Variants in SAMD9 observed in about 807,000 individuals in gnomAD.
SAMD9 encodes sterile alpha motif domain-containing protein 9.
Under a neutral mutation model 1.5 loss-of-function variants are expected in SAMD9, and 3 were observed. The ratio of observed to expected loss-of-function variants is 2.05; its 90% confidence interval spans 0.93 to 5.29. The LOEUF (loss-of-function observed/expected upper bound fraction) is 5.29. Among genes scored for constraint, SAMD9 ranks in the 30% most tolerant of loss-of-function variants. SAMD9 has a pLI of 0.02. For synonymous variants in SAMD9, 635 were observed against 631.9 expected, an observed-to-expected ratio of 1.00 and a Z score of -0.07; for missense variants, 1,597 against 1,820.8, an observed-to-expected ratio of 0.88 and a Z score of 2.24.
At chr7:93,117,815 G>A (rs1791855576) in intron 1 of SAMD9, 48 bp downstream of exon 1, 1 of 152,126 alleles carries the variant, frequency 6.6e-6, no homozygotes, top group Admixed American at 6.5e-5. Context: ...TCAATAAAAT[G>A]CTGCTATAGA....
chr7:93,106,318 C>T (rs1004832374), intron 2 of SAMD9, among the ~76,000 whole-genome samples: 1 of 152,166 alleles, frequency 6.6e-6, no homozygotes, highest in Admixed American at 6.5e-5. Context: ...ACACTTTTCC[C>T]ACATAAATTG....
chr7:93,101,641 C>T lies in SAMD9; in HGVS notation c.4457G>A (p.Gly1486Asp). 1.9e-6 allele frequency: 3 copies of T among 1,613,798 alleles called. No homozygotes were observed. Among genetic ancestry groups the T allele is most frequent in the Non-Finnish European group, 2.5e-6 (3 of 1,179,780 alleles). ...QPIAYFFLGK[G>D]KRLERLVHKG... ...GTGAACAAGTCTTTCCAGTCTTTTA[C>T]CTTTTCCAAGAAAGAAATATGCAAT... Residue 1486 changes from glycine (G) to aspartate (D), a missense_variant, in exon 3 of 3, where the codon GGT becomes GAT. Gly to Asp is a moderately conservative substitution (Grantham distance 94, BLOSUM62 -1). Coordinates refer to ENST00000379958, the MANE Select transcript of SAMD9 (RefSeq NM_017654.4).
chr7:93,116,857 G>C (rs903852033), intron 1 of SAMD9, among the ~76,000 whole-genome samples: 2 of 152,178 alleles, frequency 1.3e-5, no homozygotes, highest in African/African-American at 4.8e-5. Flanking sequence ...AACACTATTT[G>C]TTACTGATTG....
chr7:93,110,310 C>A (rs1584257950), intron 2 of SAMD9, among the ~76,000 whole-genome samples: 1 of 152,136 alleles, frequency 6.6e-6, no homozygotes, highest in Admixed American at 6.5e-5. Flanking sequence ...GAAGGAAGCA[C>A]TAAACATGGA....
chr7:93,116,342 A>G (rs1463019650), intron 1 of SAMD9, among the ~76,000 whole-genome samples: 2 of 152,212 alleles, frequency 1.3e-5, no homozygotes, highest in African/African-American at 4.8e-5. Context: ...GGGATGGAGA[A>G]CTGGGCCTGA....
At position 93,102,449 on chromosome 7, in the gene SAMD9, A is replaced by G. The variant is rs183833462; in HGVS notation, c.3649T>C (p.Phe1217Leu). 58 of 1,613,738 alleles carry G rather than the reference A, an allele frequency of 3.6e-5. No homozygotes were observed. The Admixed American group carries it at 3.8e-4, about 11-fold the overall frequency. The change falls in exon 3 of 3, where the codon TTT (phenylalanine) becomes CTT (leucine). Residue 1217 changes from phenylalanine to leucine, a missense_variant. Phe to Leu is a conservative substitution (Grantham distance 22, BLOSUM62 0). Transcript: ENST00000379958. ...TIQILQLIPF[F>L]DNKNELSKRY... ...TTAGATAGCTCATTTTTATTATCAA[A>G]AAAAGGAATGAGCTGGAGAATTTGG...
chr7:93,100,036 A>G lies in SAMD9; in HGVS notation c.*1292T>C, dbSNP rs1014412908. 9.9e-5 allele frequency: 15 copies of G among 152,162 alleles called. No individual in the cohort carries two copies. Among genetic ancestry groups the G allele is most frequent in the African/African-American group, 2.9e-4 (12 of 41,458 alleles). 9.4% of individuals were successfully genotyped at this position (152,162 alleles called of 1,614,324 possible). On this transcript the variant is annotated 3_prime_UTR_variant, in exon 3 of 3. Coordinates refer to ENST00000379958, the MANE Select transcript of SAMD9 (RefSeq NM_017654.4). ...TTAGATTTTGCTCAAATTAGGATCT[A>G]AAGTCTATATGTTGCCCTTTAGTTG... is the stretch of plus-strand genomic sequence containing the variant.
chr7:93,103,589 T>C lies in SAMD9; in HGVS notation c.2509A>G (p.Arg837Gly), dbSNP rs1264534873. The change falls in exon 3 of 3, where the codon AGA becomes GGA. Residue 837 changes from arginine to glycine, a missense_variant. By Grantham distance (125) the Arg-to-Gly change is moderately radical. Coordinates refer to ENST00000379958, the MANE Select transcript of SAMD9 (RefSeq NM_017654.4). ...GCACTTTTTTCAGGATTTTGTGATC[T>C]CATACAATTTAGGATAATCACCAGA... Reference protein sequence around the residue: ...KPLVIILNCMRSQNPEKSARI... With the variant: ...KPLVIILNCMGSQNPEKSARI... The C allele has an allele frequency of 6.2e-7, 1 of 1,613,416 alleles. No homozygotes were observed. The highest frequency in any genetic ancestry group is 1.1e-5 in the South Asian group (1 of 91,044).
intron 2 of SAMD9, among the ~76,000 whole-genome samples, chr7:93,113,033 A>G (rs1387951267): frequency 6.6e-6 from 1 of 152,206 alleles, no homozygotes; most frequent in Admixed American, 6.5e-5. Context: ...TGGAGGCATC[A>G]TGCTACCTGA....
intron 1 of SAMD9, among the ~76,000 whole-genome samples, chr7:93,117,186 T>C (rs1040172764): frequency 1.3e-5 from 2 of 152,230 alleles, no homozygotes; most frequent in Non-Finnish European, 2.9e-5. Context: ...TTAGAGTAGA[T>C]GGTGGAAGTT....
At position 93,103,965 on chromosome 7, in the gene SAMD9, A is replaced by G. The variant is rs1791583500; in HGVS notation, c.2133T>C (p.Tyr711=). The part of the protein sequence containing the change: ...YSSPFVKRDK[Y]ERLEAMIQNC... Reference sequence around the variant, plus strand: ...TTTGAATCATTGCTTCAAGTCTTTCATATTTATCCCTTTTGACAAAAGGTG... The same window carrying G: ...TTTGAATCATTGCTTCAAGTCTTTCGTATTTATCCCTTTTGACAAAAGGTG... Residue 711 remains tyrosine, a synonymous_variant, in exon 3 of 3, where the codon TAT becomes TAC. Transcript: ENST00000379958. The G allele has an allele frequency of 6.2e-7, 1 of 1,613,228 alleles. No homozygotes were observed. Among genetic ancestry groups the G allele is most frequent in the African/African-American group, 1.3e-5 (1 of 74,834 alleles).
chr7:93,103,741 A>G lies in SAMD9; in HGVS notation c.2357T>C (p.Met786Thr), dbSNP rs1391546158. 6.2e-7 allele frequency: 1 copy of G among 1,613,978 alleles called. No individual in the cohort carries two copies. Residue 786 changes from methionine (M) to threonine (T), a missense_variant, in exon 3 of 3, where the codon ATG (methionine) becomes ACG (threonine). Physicochemically the swap from Met to Thr is moderately conservative, Grantham distance 81 (BLOSUM62 -1). Coordinates refer to ENST00000379958, the MANE Select transcript of SAMD9 (RefSeq NM_017654.4). The stretch of plus-strand genomic sequence containing the variant: ...TACAGGTACGTATTCCTGACGGTTC[A>G]TTGCCCCATAGGTGATTAAACTGGT... ...QVTSLITYGA[M>T]NRQEYVPVLL...
rs1158791116 is a variant in SAMD9 at position 93,101,242 on chromosome 7, C to A, written c.*86G>T. ...GAAGAGCTAGAGGCTGTATCTATAA[C>A]CTTGCCGGTTTAAAGCATAGATCTT... On this transcript the variant is annotated 3_prime_UTR_variant, in exon 3 of 3. Transcript: ENST00000379958. 5.9e-6 allele frequency: 6 copies of A among 1,022,164 alleles called. No individual in the cohort carries two copies. The highest frequency in any genetic ancestry group is 3.4e-5 in the Admixed American group (2 of 59,136). 63.3% of individuals were successfully genotyped at this position (1,022,164 alleles called of 1,614,324 possible).
rs1791582914 is a variant in SAMD9, at chr7:93,103,945, A to G, written c.2153T>C (p.Ile718Thr). 2.5e-6 allele frequency: 4 copies of G among 1,613,284 alleles called. No homozygotes were observed. The highest frequency in any genetic ancestry group is 3.4e-6 in the Non-Finnish European group (4 of 1,179,508). ...TTTAGAAGAATCTGCACAGTTTTGA[A>G]TCATTGCTTCAAGTCTTTCATATTT... ...RDKYERLEAMIQNCADSSKPT... is the reference protein window; with the variant it reads ...RDKYERLEAMTQNCADSSKPT... The change falls in exon 3 of 3, where the codon ATT (isoleucine) becomes ACT (threonine). Residue 718 changes from isoleucine (I) to threonine (T), a missense_variant. Around this residue, in one of 6 missense-constraint regions of SAMD9, gnomAD observed 358 missense variants for 460.4 expected, o/e 0.78. Coordinates refer to ENST00000379958, the MANE Select transcript of SAMD9 (RefSeq NM_017654.4).
In SAMD9 at chr7:93,103,201, A is replaced by G; in HGVS notation, c.2897T>C (p.Ile966Thr). Residue 966 changes from isoleucine to threonine, a missense_variant, in exon 3 of 3, where the codon ATT becomes ACT. Ile to Thr is a moderately conservative substitution (Grantham distance 89). Around this residue, in one of 6 missense-constraint regions of SAMD9, gnomAD observed 682 missense variants for 810.0 expected, o/e 0.84. Transcript: ENST00000379958. Reference sequence around the variant, plus strand: ...TTCGATGACCTCTGTTTTTATCAGAATTGTAGAGTAGGTGCCCATCTTGTC... The same window carrying G: ...TTCGATGACCTCTGTTTTTATCAGAGTTGTAGAGTAGGTGCCCATCTTGTC... ...FEDKMGTYST[I>T]LIKTEVIECG... The G allele has an allele frequency of 6.2e-7, 1 of 1,613,810 alleles. No homozygotes were observed. Among genetic ancestry groups the G allele is most frequent in the South Asian group, 1.1e-5 (1 of 91,080 alleles).
intron 1 of SAMD9, among the ~76,000 whole-genome samples, chr7:93,116,803 T>C (rs1251993944): frequency 1.3e-5 from 2 of 152,148 alleles, no homozygotes; most frequent in East Asian, 1.9e-4. Flanking sequence ...TCCGTATACT[T>C]TAAAAACTGA....
chr7:93,103,847 G>C lies in SAMD9; in HGVS notation c.2251C>G (p.Leu751Val). 1.2e-6 allele frequency: 2 copies of C among 1,613,936 alleles called. No individual in the cohort carries two copies. The highest frequency in any genetic ancestry group is 1.1e-5 in the South Asian group (1 of 91,080). ...CGGTTLAMHI[L>V]WELRKKFRCA... ...CTGAATTTCTTCCTTAGTTCCCAGA[G>C]AATGTGCATAGCCAAGGTAGTTCCC... Residue 751 changes from leucine (L) to valine (V), a missense_variant, in exon 3 of 3, where the codon CTC becomes GTC. Leu to Val is a conservative substitution (Grantham distance 32). Transcript: ENST00000379958.
In SAMD9 at chr7:93,102,855, A is replaced by T. The variant is rs139484963; in HGVS notation, c.3243T>A (p.Asn1081Lys). The change falls in exon 3 of 3, where the codon AAT becomes AAA. Residue 1081 changes from asparagine to lysine, a missense_variant. By Grantham distance (94) the Asn-to-Lys change is moderately conservative (BLOSUM62 0). Transcript: ENST00000379958. ...LLESIHRFNP[N>K]AFICQALARH... ...TTGCCAACGCTTGGCAAATGAATGC[A>T]TTTGGGTTGAACCGATGGATACTTT... 1.2e-6 allele frequency: 2 copies of T among 1,613,850 alleles called. No individual in the cohort carries two copies. Among genetic ancestry groups the T allele is most frequent in the Non-Finnish European group, 1.7e-6 (2 of 1,179,796 alleles).
At chr7:93,107,586 T>C (rs2116426429) in intron 2 of SAMD9, among the ~76,000 whole-genome samples, 1 of 152,302 alleles carries the variant, frequency 6.6e-6, no homozygotes, top group African/African-American at 2.4e-5. Context: ...AATTAAATAA[T>C]GGAGACAGCC....
Sources: gnomAD v4.1 joint callset for allele counts (sites outside exome capture counted in the v4.1 genomes callset) on GRCh38, gnomAD v4.1.1 for gene constraint, gnomAD v4.1.1 regional missense constraint, MANE v1.5 for transcripts, NCBI Gene and HGNC (gene_info 2026-07-23, HGNC 2026-07-21) for gene names.